DCC: variants seen among roughly 807,000 people sequenced by gnomAD.
DCC encodes DCC netrin 1 receptor, also known as netrin receptor DCC.
DCC carries 58 observed loss-of-function variants against 172.5 expected under a neutral mutation model. That is an observed-to-expected ratio of 0.34 (90% CI 0.27 to 0.42). The LOEUF is 0.42. Ranked by LOEUF, DCC falls within the 10% of genes least tolerant of loss-of-function variation. The pLI, the probability that DCC is intolerant of heterozygous loss-of-function variation, is 1.00. For synonymous variants in DCC, 709 were observed against 644.5 expected (o/e 1.10, Z -1.52); for missense variants, 1,740 against 1,791.0 (o/e 0.97, Z 0.51).
At position 53,063,378 on chromosome 18, in the gene DCC, A is replaced by G; in HGVS notation, c.1059A>G (p.Thr353=). The change falls in exon 6 of 29, where the codon ACA becomes ACG. Residue 353 remains threonine (T), a synonymous_variant. Coordinates refer to ENST00000442544, the MANE Select transcript of DCC (RefSeq NM_005215.4). The part of the protein sequence containing the change: ...YESMDIEFEC[T]VSGKPVPTVN... ...GCATGGATATTGAGTTTGAATGTAC[A>G]GTCTCTGGAAAGCCTGTGCCCACTG... The G allele has an allele frequency of 1.2e-6, 2 of 1,613,100 alleles. No homozygotes were observed. Among genetic ancestry groups the G allele is most frequent in the Non-Finnish European group, 1.7e-6 (2 of 1,179,188 alleles).
At chr18:53,291,140 G>C (rs1422011610) in intron 12 of DCC, among the ~76,000 whole-genome samples, 1 of 151,754 alleles carries the variant, frequency 6.6e-6, no homozygotes, top group African/African-American at 2.4e-5. Context: ...TGCATTCCAG[G>C]CTGGGTGACA....
chr18:52,532,848 G>C (rs773720083), intron 1 of DCC, among the ~76,000 whole-genome samples: 9 of 151,938 alleles, frequency 5.9e-5, no homozygotes, highest in Non-Finnish European at 8.8e-5. Context: ...GTGGTTTTTA[G>C]TATATTCACC....
intron 2 of DCC, among the ~76,000 whole-genome samples, chr18:52,788,228 T>G (rs2037694133): frequency 6.6e-6 from 1 of 152,218 alleles, no homozygotes; most frequent in African/African-American, 2.4e-5. Context: ...TGCTTTCTTA[T>G]AATCTTTTAC....
At chr18:52,507,392 A>G (rs2031271699) in intron 1 of DCC, among the ~76,000 whole-genome samples, 1 of 152,216 alleles carries the variant, frequency 6.6e-6, no homozygotes, top group African/African-American at 2.4e-5. Context: ...ATGTATAAAA[A>G]GCTTTGACCA....
At chr18:52,736,024 C>T (rs1294609434) in intron 1 of DCC, among the ~76,000 whole-genome samples, 4 of 152,046 alleles carry the variant, frequency 2.6e-5, no homozygotes, top group South Asian at 2.1e-4. Flanking sequence ...CTGGTTTGGC[C>T]CTACTTCTTT....
chr18:52,462,494 A>G lies in DCC; in HGVS notation c.91+121616A>G, dbSNP rs79002094. Among the ~76,000 whole-genome samples, 937 of 152,034 alleles carry G rather than the reference A, an allele frequency of 6.2e-3. 16 individuals carry two copies. Among genetic ancestry groups the G allele is most frequent in the Admixed American group, 0.041 (623 of 15,282 alleles). ...ACCTGCTTACTTTCTTTTTGCCCAC[A>G]ATGCTCCTTCCCCTCATATTGCCTC... On this transcript the variant is annotated intron_variant, in intron 1 of 28. Coordinates refer to ENST00000442544, the MANE Select transcript of DCC (RefSeq NM_005215.4).
At chr18:52,625,815 A>G (rs73955753) in intron 1 of DCC, among the ~76,000 whole-genome samples, 6,793 of 152,254 alleles carry the variant, frequency 0.045, 507 homozygotes, top group African/African-American at 0.15. Flanking sequence ...CTAAATGCCA[A>G]TGTCAGTTCT....
chr18:53,231,613 G>A (rs1214278652), intron 12 of DCC, among the ~76,000 whole-genome samples: 1 of 151,952 alleles, frequency 6.6e-6, no homozygotes. Context: ...CTTATTTCAG[G>A]TCTGGGTTTT....
chr18:52,387,400 C>T (rs1352977729), intron 1 of DCC, among the ~76,000 whole-genome samples: 1 of 152,104 alleles, frequency 6.6e-6, no homozygotes, highest in Non-Finnish European at 1.5e-5. Context: ...TTTCCCAGCT[C>T]TTCAGGGCAC....
intron 7 of DCC, among the ~76,000 whole-genome samples, chr18:53,155,162 G>T (rs959907959): frequency 6.6e-6 from 1 of 151,090 alleles, no homozygotes; most frequent in Admixed American, 6.6e-5. Flanking sequence ...ATTGTATATC[G>T]ATAATGTTTC....
At chr18:53,490,423 AT>A (rs1263745986) in intron 26 of DCC, among the ~76,000 whole-genome samples, 1 of 152,116 alleles carries the variant, frequency 6.6e-6, no homozygotes, top group Non-Finnish European at 1.5e-5. Context: ...TTTTTATAAT[AT>A]TTTCCCAGTT....
At chr18:52,969,170 C>A (rs1329230240) in intron 5 of DCC, among the ~76,000 whole-genome samples, 1 of 152,112 alleles carries the variant, frequency 6.6e-6, no homozygotes, top group Non-Finnish European at 1.5e-5. Context: ...GTTTTTACTG[C>A]TATTCACCTA....
At chr18:53,418,878 T>C (rs1054969517) in intron 21 of DCC, among the ~76,000 whole-genome samples, 2 of 152,232 alleles carry the variant, frequency 1.3e-5, no homozygotes, top group East Asian at 3.8e-4. Flanking sequence ...GATTTCTTTA[T>C]GTAATTGTAA....
intron 25 of DCC, among the ~76,000 whole-genome samples, chr18:53,477,941 T>C (rs1056279509): frequency 1.3e-5 from 2 of 152,212 alleles, no homozygotes; most frequent in Non-Finnish European, 2.9e-5. Context: ...ATTTGTATAA[T>C]GGCCAAAAAT....
intron 2 of DCC, among the ~76,000 whole-genome samples, chr18:52,883,318 ATTTTATTT>A (rs147479024): frequency 0.017 from 2,309 of 133,054 alleles, 41 homozygotes; most frequent in East Asian, 0.083. Flanking sequence ...TTTTATTTTT[ATTTTATTT>A]TTTATTTATT....
intron 17 of DCC, among the ~76,000 whole-genome samples, chr18:53,396,260 C>T (rs1006123749): frequency 1.5e-4 from 23 of 152,034 alleles, no homozygotes; most frequent in African/African-American, 5.6e-4. Context: ...AAGAACGATA[C>T]CTCATACCAA....
At chr18:53,129,029 G>A (rs1315279041) in intron 7 of DCC, among the ~76,000 whole-genome samples, 1 of 151,672 alleles carries the variant, frequency 6.6e-6, no homozygotes, top group Non-Finnish European at 1.5e-5. Context: ...TGGGACTACA[G>A]GCATATGCCA....
chr18:53,419,513 G>T (rs62098261), intron 21 of DCC, among the ~76,000 whole-genome samples: 65,087 of 150,804 alleles, frequency 0.43, 15,712 homozygotes, highest in Non-Finnish European at 0.55. Flanking sequence ...TAATTGTTTT[G>T]ATTTTTGTTT....
chr18:53,253,977 A>T, intron 12 of DCC, among the ~76,000 whole-genome samples: 1 of 152,178 alleles, frequency 6.6e-6, no homozygotes, highest in East Asian at 1.9e-4. Flanking sequence ...ACAATGCCTG[A>T]TTAAATGAAG....
Sources: allele counts gnomAD v4.1 joint callset (sites outside exome capture counted in the v4.1 genomes callset), GRCh38; gene constraint gnomAD v4.1.1; transcripts MANE v1.5; gene names NCBI Gene and HGNC (gene_info 2026-07-23, HGNC 2026-07-21).